Variants in METTL8 observed in about 807,000 individuals in gnomAD.
The protein encoded by METTL8 is methyltransferase 8, tRNA N3-cytidine.
METTL8 carries 32 observed loss-of-function variants against 48.7 expected under a neutral mutation model. The observed-to-expected ratio is 0.66, with a 90% confidence interval of 0.50 to 0.88. METTL8 has a LOEUF of 0.88. METTL8 is among the 40% of genes least tolerant of loss of function. METTL8 has a pLI of 0.00. For missense variants in METTL8, 464 were observed against 474.4 expected, an observed-to-expected ratio of 0.98 and a Z score of 0.20; for synonymous variants, 136 against 157.1, an observed-to-expected ratio of 0.87 and a Z score of 1.01.
chr2:171,373,274 A>C (rs1438997868), intron 2 of METTL8, among the ~76,000 whole-genome samples: 1 of 152,182 alleles, frequency 6.6e-6, no homozygotes, highest in Non-Finnish European at 1.5e-5. Context: ...CGGCTGCATA[A>C]ATGTCTTCTT....
At chr2:171,375,509 T>C (rs1686871619) in intron 2 of METTL8, among the ~76,000 whole-genome samples, 1 of 152,192 alleles carries the variant, frequency 6.6e-6, no homozygotes, top group African/African-American at 2.4e-5. Flanking sequence ...GCTATTCAAA[T>C]AGGTGTGTAG....
chr2:171,336,419 T>G (rs1686113951), intron 5 of METTL8, among the ~76,000 whole-genome samples: 1 of 50,294 alleles, frequency 2.0e-5, no homozygotes, highest in Non-Finnish European at 4.0e-5. Context: ...TTTTTTTTTT[T>G]TAGACGGAGT....
At chr2:171,420,179 T>C (rs1038855041) in intron 1 of METTL8, among the ~76,000 whole-genome samples, 2 of 152,122 alleles carry the variant, frequency 1.3e-5, no homozygotes, top group African/African-American at 4.8e-5. Flanking sequence ...GGTGAAACCC[T>C]GTCTCTACAA....
chr2:171,366,903 A>C (rs1469459627), intron 2 of METTL8, among the ~76,000 whole-genome samples: 3 of 151,718 alleles, frequency 2.0e-5, no homozygotes, highest in South Asian at 2.1e-4. Flanking sequence ...AAAAAAAAAA[A>C]AAAAACTGGG....
At chr2:171,359,142 A>G (rs12105780) in intron 3 of METTL8, among the ~76,000 whole-genome samples, 32,867 of 148,320 alleles carry the variant, frequency 0.22, 3,967 homozygotes, top group Non-Finnish European at 0.26. Context: ...TCTCATCACT[A>G]TACTCCAGAC....
intron 1 of METTL8, among the ~76,000 whole-genome samples, chr2:171,417,951 CT>C (rs796268123): frequency 4.7e-5 from 7 of 149,126 alleles, no homozygotes; most frequent in East Asian, 2.0e-4. Context: ...GTCATCATGT[CT>C]TTTTTTTTTG....
rs571267915 is a variant in METTL8 at position 171,323,860 on chromosome 2, A to G, written c.*312T>C. 4.7e-5 allele frequency: 10 copies of G among 213,554 alleles called. No homozygotes were observed. The East Asian group carries it at 1.0e-3, about 22-fold the overall frequency. The allele number at this position is 213,554 out of a possible 1,614,324, so 13.2% of individuals were successfully genotyped here. On this transcript the variant is annotated 3_prime_UTR_variant, in exon 10 of 10. Transcript: ENST00000375258. ...TTACTTGCAAAAAATGTCAAGTTAC[A>G]TTTTCTCAAAATTACTTGACATAAT...
At chr2:171,425,444 T>C (rs1692307535) in intron 1 of METTL8, among the ~76,000 whole-genome samples, 1 of 152,212 alleles carries the variant, frequency 6.6e-6, no homozygotes, top group Admixed American at 6.5e-5. Flanking sequence ...GACCTCATCT[T>C]AGCAGAGGAG....
chr2:171,380,926 A>T lies in METTL8; in HGVS notation c.143+11117T>A, dbSNP rs189510559. ...TAAATTTCATATGGAACTAAAAAAG[A>T]GCCCATATAGCTAAGACAATCCTAA... On this transcript the variant is annotated intron_variant, in intron 2 of 9. Coordinates refer to ENST00000375258, the MANE Select transcript of METTL8 (RefSeq NM_001321154.2). Among the ~76,000 whole-genome samples, 8 of 152,324 alleles carry T rather than the reference A, an allele frequency of 5.3e-5. No individual in the cohort carries two copies. In the East Asian group the frequency reaches 1.5e-3, roughly 29 times the overall value.
chr2:171,382,605 G>C, intron 2 of METTL8, among the ~76,000 whole-genome samples: 1 of 152,026 alleles, frequency 6.6e-6, no homozygotes, highest in South Asian at 2.1e-4. Context: ...CCTAATGCAT[G>C]CAACGCCTAA....
intron 1 of METTL8, among the ~76,000 whole-genome samples, chr2:171,424,559 C>CT (rs1692209365): frequency 2.1e-5 from 3 of 146,188 alleles, no homozygotes; most frequent in African/African-American, 7.6e-5. Flanking sequence ...CATTTTGGAA[C>CT]TTTAAGGTTT....
intron 2 of METTL8, among the ~76,000 whole-genome samples, chr2:171,385,427 A>G (rs1402283646): frequency 6.6e-6 from 1 of 152,196 alleles, no homozygotes; most frequent in Non-Finnish European, 1.5e-5. Context: ...ACTTCTGAAC[A>G]GAATTTTGGA....
chr2:171,402,598 T>C (rs1412801100), intron 1 of METTL8, among the ~76,000 whole-genome samples: 1 of 152,178 alleles, frequency 6.6e-6, no homozygotes, highest in Non-Finnish European at 1.5e-5. Flanking sequence ...TATGTATGTA[T>C]ACATTCATTA....
intron 3 of METTL8, among the ~76,000 whole-genome samples, chr2:171,344,026 AC>A (rs1687034649): frequency 6.6e-6 from 1 of 152,200 alleles, no homozygotes; most frequent in Non-Finnish European, 1.5e-5. Context: ...TTGCTAATAT[AC>A]CTATTTTCAA....
intron 3 of METTL8, among the ~76,000 whole-genome samples, chr2:171,348,571 A>G (rs2105441472): frequency 6.6e-6 from 1 of 152,304 alleles, no homozygotes; most frequent in African/African-American, 2.4e-5. Flanking sequence ...AATCTATTGT[A>G]TTAGAAGCCA....
chr2:171,339,614 AC>A (rs2105419654), intron 3 of METTL8, 60 bp from the exon 4 acceptor site: 1 of 920,822 alleles, frequency 1.1e-6, no homozygotes, highest in East Asian at 2.6e-5. Context: ...ACTATTAGCT[AC>A]TGTCTTGATA....
At chr2:171,356,952 A>ATGTTTTTGTTTTTTTTTTTTT in intron 3 of METTL8, among the ~76,000 whole-genome samples, 22 of 78,468 alleles carry the variant, frequency 2.8e-4, no homozygotes, top group Non-Finnish European at 3.9e-4. Context: ...CAAAGACAAT[A>ATGTTTTTGTTTTTTTTTTTTT]TTTTTTTTTT....
chr2:171,388,453 TA>T (rs1559157077), intron 2 of METTL8, among the ~76,000 whole-genome samples: 2 of 152,358 alleles, frequency 1.3e-5, no homozygotes, highest in African/African-American at 4.8e-5. Context: ...AAGCCTTTCT[TA>T]AGGCAAACTA....
intron 2 of METTL8, among the ~76,000 whole-genome samples, chr2:171,376,775 C>A (rs1041943061): frequency 6.6e-6 from 1 of 152,094 alleles, no homozygotes; most frequent in Admixed American, 6.6e-5. Context: ...TACCGTACTG[C>A]CAAAAGCAAT....
Sources: allele counts gnomAD v4.1 joint callset (sites outside exome capture counted in the v4.1 genomes callset), GRCh38; gene constraint gnomAD v4.1.1; transcripts MANE v1.5; gene names NCBI Gene and HGNC (gene_info 2026-07-23, HGNC 2026-07-21).